Variants in KANSL1L observed in about 807,000 individuals in gnomAD.
KANSL1L encodes KAT8 regulatory NSL complex subunit 1 like, also known as KAT8 regulatory NSL complex subunit 1-like protein.
KANSL1L carries 25 observed loss-of-function variants against 108.6 expected under a neutral mutation model. The observed-to-expected ratio is 0.23, with a 90% CI of 0.17 to 0.32. The LOEUF is 0.32. Among genes scored for constraint, KANSL1L ranks in the 10% least tolerant of loss-of-function variants. KANSL1L has a pLI of 1.00. For missense variants in KANSL1L, 1,137 were observed against 1,125.7 expected (o/e 1.01, Z -0.14); for synonymous variants, 405 against 395.1 (o/e 1.03, Z -0.30).
Position 210,027,290 on chromosome 2 carries a change from G to GCTTA in KANSL1L, c.2451+2_2451+5dup. On this transcript the variant is annotated splice_donor_region_variant and intron_variant, in intron 12 of 14. Transcript: ENST00000281772. ...CAATTATCCCATTAAATGAAAGGCA[G>GCTTA]CTTACCTCTTCTTTGCCTAAATTAT... 6.3e-7 allele frequency: 1 copy of GCTTA among 1,592,080 alleles called. No individual in the cohort carries two copies. The highest frequency in any genetic ancestry group is 8.6e-7 in the Non-Finnish European group (1 of 1,160,096).
At chr2:210,122,740 A>G (rs2095032756) in intron 3 of KANSL1L, among the ~76,000 whole-genome samples, 1 of 152,150 alleles carries the variant, frequency 6.6e-6, no homozygotes, top group Non-Finnish European at 1.5e-5. Flanking sequence ...TAATCAACAA[A>G]GTGAAGACAC....
At chr2:210,122,339 C>T (rs1357025694) in intron 3 of KANSL1L, among the ~76,000 whole-genome samples, 1 of 152,020 alleles carries the variant, frequency 6.6e-6, no homozygotes, top group African/African-American at 2.4e-5. Context: ...AATAGACACA[C>T]AGACCAACAA....
chr2:210,102,620 GA>G (rs1268890512), intron 4 of KANSL1L, among the ~76,000 whole-genome samples: 2 of 151,816 alleles, frequency 1.3e-5, no homozygotes, highest in South Asian at 4.2e-4. Context: ...AAATTTACGA[GA>G]AAAAAACAAA....
At chr2:210,032,587 CAG>C (rs1260206563) in intron 8 of KANSL1L, 1 of 152,208 alleles carries the variant, frequency 6.6e-6, no homozygotes, top group Non-Finnish European at 1.5e-5. Flanking sequence ...CTAACAGAAT[CAG>C]AGCTTTAGGC....
intron 2 of KANSL1L, among the ~76,000 whole-genome samples, chr2:210,149,655 C>G (rs1487151805): frequency 2.6e-5 from 4 of 151,610 alleles, no homozygotes. Context: ...TAAGATAGAA[C>G]TGATTAATTC....
chr2:210,142,479 A>G (rs2095237438), intron 2 of KANSL1L, among the ~76,000 whole-genome samples: 1 of 151,882 alleles, frequency 6.6e-6, no homozygotes, highest in South Asian at 2.1e-4. Flanking sequence ...TTGTTTTTCT[A>G]ATATCTTCTG....
At chr2:210,040,264 TA>T in intron 8 of KANSL1L, 155 bp downstream of exon 8, 1 of 555,356 alleles carries the variant, frequency 1.8e-6, no homozygotes, top group Non-Finnish European at 3.2e-6. Flanking sequence ...ATTGTTCTTG[TA>T]TTTTATGTGT....
chr2:210,089,697 G>T (rs1159107193), intron 5 of KANSL1L, among the ~76,000 whole-genome samples: 1 of 152,000 alleles, frequency 6.6e-6, no homozygotes, highest in Admixed American at 6.6e-5. Context: ...AATCTTTTTG[G>T]GGGGAGGGGC....
chr2:210,162,774 G>A (rs911243371), intron 1 of KANSL1L, among the ~76,000 whole-genome samples: 2 of 152,056 alleles, frequency 1.3e-5, no homozygotes, highest in Non-Finnish European at 2.9e-5. Flanking sequence ...AGATACCAAC[G>A]TGTTTAGAAG....
At chr2:210,149,583 CAAAAAT>C (rs1333945609) in intron 2 of KANSL1L, among the ~76,000 whole-genome samples, 16 of 151,680 alleles carry the variant, frequency 1.1e-4, no homozygotes, top group Non-Finnish European at 1.6e-4. Context: ...AAGAAAATAA[CAAAAAT>C]AAACTTAAAA....
At chr2:210,077,978 G>A (rs548990375) in intron 5 of KANSL1L, among the ~76,000 whole-genome samples, 204 of 152,298 alleles carry the variant, frequency 1.3e-3, no homozygotes, top group African/African-American at 4.8e-3. Context: ...TCTGAGAAAT[G>A]CATCGTTAGG....
chr2:210,075,714 C>G lies in KANSL1L; in HGVS notation c.1593G>C (p.Trp531Cys), dbSNP rs1421125099. Residue 531 changes from tryptophan to cysteine, a missense_variant, in exon 6 of 15, where the codon TGG becomes TGC. By Grantham distance (215) the Trp-to-Cys change is radical. This residue lies in a region of KANSL1L where 575 missense variants were observed against 567.1 expected (regional missense o/e 1.01). Transcript: ENST00000281772. ...NLDELSSSSS[W>C]LLNQKHSKKK... is the part of the protein sequence containing the mutation. Reference sequence around the variant, plus strand: ...TCTTACTGTGCTTCTGGTTAAGTAACCAGCTACTGGAGGAAGACAGCTCAT... The same window carrying G: ...TCTTACTGTGCTTCTGGTTAAGTAAGCAGCTACTGGAGGAAGACAGCTCAT... 6.2e-7 allele frequency: 1 copy of G among 1,613,832 alleles called. No individual in the cohort carries two copies. Among genetic ancestry groups the G allele is most frequent in the East Asian group, 2.2e-5 (1 of 44,882 alleles).
chr2:210,093,528 T>TC (rs1559550293), intron 5 of KANSL1L, among the ~76,000 whole-genome samples: 1 of 151,906 alleles, frequency 6.6e-6, no homozygotes, highest in African/African-American at 2.4e-5. Flanking sequence ...TCTCCTCCCT[T>TC]CCCCCAAAAG....
chr2:210,168,914 G>A (rs909849693), intron 1 of KANSL1L, among the ~76,000 whole-genome samples: 2 of 152,090 alleles, frequency 1.3e-5, no homozygotes, highest in African/African-American at 4.8e-5. Flanking sequence ...TCTGCAGCAT[G>A]TCAAACATGA....
chr2:210,143,403 CTA>C (rs112702114), intron 2 of KANSL1L, among the ~76,000 whole-genome samples: 1 of 152,120 alleles, frequency 6.6e-6, no homozygotes, highest in Non-Finnish European at 1.5e-5. Context: ...CATTCACTGA[CTA>C]TATATGTTTT....
chr2:210,109,893 CT>C (rs1056518913), intron 3 of KANSL1L, among the ~76,000 whole-genome samples: 3 of 151,980 alleles, frequency 2.0e-5, no homozygotes, highest in African/African-American at 7.2e-5. Context: ...TTTTTGACTT[CT>C]TTAGGAACTG....
intron 8 of KANSL1L, among the ~76,000 whole-genome samples, chr2:210,033,774 G>A (rs1163405460): frequency 6.7e-6 from 1 of 149,918 alleles, no homozygotes; most frequent in Non-Finnish European, 1.5e-5. Context: ...TCCTCACCTC[G>A]TGATCCGCCC....
At chr2:210,079,077 A>T (rs1024399369) in intron 5 of KANSL1L, among the ~76,000 whole-genome samples, 10 of 152,154 alleles carry the variant, frequency 6.6e-5, no homozygotes, top group Non-Finnish European at 5.9e-5. Flanking sequence ...CAGCTTTCTG[A>T]GTAACTAGGA....
intron 8 of KANSL1L, chr2:210,032,675 A>G (rs1269032311): frequency 1.3e-5 from 2 of 152,216 alleles, no homozygotes; most frequent in Admixed American, 6.5e-5. Context: ...TCCCCAAATT[A>G]GTCTGAAAAT....
Sources: allele counts gnomAD v4.1 joint callset (sites outside exome capture counted in the v4.1 genomes callset), GRCh38; gene constraint gnomAD v4.1.1; regional missense constraint gnomAD v4.1.1; transcripts MANE v1.5; gene names NCBI Gene and HGNC (gene_info 2026-07-23, HGNC 2026-07-21).